The following UNC13C variants were observed in gnomAD, a reference collection of about 807,000 sequenced individuals.
UNC13C encodes the protein unc-13 homolog C.
Under a neutral mutation model 245.4 loss-of-function variants are expected in UNC13C, and 174 were observed. The observed-to-expected ratio is 0.71, with a 90% CI of 0.63 to 0.80. UNC13C has a LOEUF of 0.80. UNC13C is among the 30% of genes least tolerant of loss of function. UNC13C has a pLI of 0.00. For missense variants in UNC13C, 2,829 were observed against 2,602.9 expected, an observed-to-expected ratio of 1.09 and a Z score of -1.89; for synonymous variants, 992 against 895.1, an observed-to-expected ratio of 1.11 and a Z score of -1.93.
chr15:54,306,877 A>C (rs537291565), intron 13 of UNC13C, among the ~76,000 whole-genome samples: 1 of 152,008 alleles, frequency 6.6e-6, no homozygotes, highest in Non-Finnish European at 1.5e-5. Flanking sequence ...GATACAGGTT[A>C]CTTTAAAGTC....
intron 2 of UNC13C, among the ~76,000 whole-genome samples, chr15:54,025,789 A>G (rs1595732069): frequency 6.6e-6 from 1 of 152,348 alleles, no homozygotes; most frequent in African/African-American, 2.4e-5. Context: ...CCCATTTTAC[A>G]TGATGATATT....
At chr15:54,107,651 A>G (rs541662749) in intron 2 of UNC13C, among the ~76,000 whole-genome samples, 2 of 152,332 alleles carry the variant, frequency 1.3e-5, no homozygotes, top group Admixed American at 6.5e-5. Context: ...TTTATGCAGA[A>G]TGAGAACTCA....
intron 17 of UNC13C, among the ~76,000 whole-genome samples, chr15:54,357,224 T>C (rs2039116634): frequency 6.6e-6 from 1 of 152,074 alleles, no homozygotes; most frequent in South Asian, 2.1e-4. Context: ...TTTATTTTTA[T>C]ATAAATTGTG....
chr15:54,377,713 C>T (rs1271493252), intron 17 of UNC13C, among the ~76,000 whole-genome samples: 1 of 152,172 alleles, frequency 6.6e-6, no homozygotes, highest in African/African-American at 2.4e-5. Context: ...TCTGTGTCCT[C>T]ACATGGCAAA....
Position 54,562,195 on chromosome 15 carries a change from C to A in UNC13C, c.5959-5605C>A, listed in dbSNP as rs185727945. 3.4e-3 allele frequency among the ~76,000 whole-genome samples: 519 copies of A among 152,078 alleles called. 4 individuals carry two copies. Among genetic ancestry groups the A allele is most frequent in the Non-Finnish European group, 5.3e-3 (363 of 67,956 alleles). On this transcript the variant is annotated intron_variant, in intron 29 of 32. Transcript: ENST00000260323. The stretch of plus-strand genomic sequence containing the variant: ...TTCTGCCAATTAAATATATTTCTTA[C>A]AATTGGAAAGAACTCCAGCATTCAC...
intron 4 of UNC13C, among the ~76,000 whole-genome samples, chr15:54,228,716 G>A (rs764385322): frequency 1.3e-5 from 2 of 152,122 alleles, no homozygotes; most frequent in South Asian, 2.1e-4. Context: ...GGCTGTGCTG[G>A]GTTCCAAGTT....
intron 19 of UNC13C, among the ~76,000 whole-genome samples, chr15:54,471,224 T>C (rs780360204): frequency 6.6e-6 from 1 of 151,444 alleles, no homozygotes; most frequent in Admixed American, 6.6e-5. Context: ...ATGTCTGTTA[T>C]AGTTCAAGCA....
chr15:54,005,568 G>C (rs1027985998), intron 1 of UNC13C, among the ~76,000 whole-genome samples: 6 of 152,154 alleles, frequency 3.9e-5, no homozygotes, highest in African/African-American at 1.4e-4. Context: ...ATTAAAAATG[G>C]AAAAACATAT....
chr15:54,339,948 G>A (rs55753737), intron 17 of UNC13C, among the ~76,000 whole-genome samples: 39,115 of 151,910 alleles, frequency 0.26, 5,370 homozygotes, highest in Admixed American at 0.34. Context: ...CCATGACAAC[G>A]TCTATTATTT....
intron 10 of UNC13C, among the ~76,000 whole-genome samples, chr15:54,281,402 G>A (rs2036993519): frequency 6.6e-6 from 1 of 152,160 alleles, no homozygotes; most frequent in Non-Finnish European, 1.5e-5. Context: ...AAGAAATACT[G>A]AAAGGACTGA....
chr15:54,534,755 G>A (rs1040729938), intron 26 of UNC13C, among the ~76,000 whole-genome samples: 10 of 152,124 alleles, frequency 6.6e-5, no homozygotes, highest in South Asian at 2.1e-4. Context: ...TGATGGAGCT[G>A]CAAAACTCAC....
chr15:54,197,660 A>G (rs991282338), intron 4 of UNC13C, among the ~76,000 whole-genome samples: 1 of 152,100 alleles, frequency 6.6e-6, no homozygotes, highest in Non-Finnish European at 1.5e-5. Flanking sequence ...AGGAACCTTT[A>G]AAAATAAAGC....
At chr15:53,954,655 A>G in the UNC13C span, among the ~76,000 whole-genome samples, 2 of 152,148 alleles carry the variant, frequency 1.3e-5, no homozygotes, top group Non-Finnish European at 2.9e-5. Context: ...CAAATGGGGT[A>G]TGAGTTAGAT....
intron 17 of UNC13C, among the ~76,000 whole-genome samples, chr15:54,364,512 T>C (rs1051745970): frequency 2.0e-5 from 3 of 152,142 alleles, no homozygotes; most frequent in Non-Finnish European, 4.4e-5. Flanking sequence ...TTTGTACACA[T>C]TTAAATTCAA....
intron 4 of UNC13C, among the ~76,000 whole-genome samples, chr15:54,217,550 C>A (rs751597259): frequency 1.3e-5 from 2 of 151,860 alleles, no homozygotes; most frequent in Non-Finnish European, 2.9e-5. Flanking sequence ...ATTGTAAATA[C>A]CACAGGGCAG....
intron 2 of UNC13C, among the ~76,000 whole-genome samples, chr15:54,134,379 G>C (rs1004582121): frequency 1.3e-5 from 2 of 149,620 alleles, no homozygotes; most frequent in African/African-American, 2.5e-5. Context: ...ATCTTGTCAT[G>C]AATGGCAGGA....
At chr15:53,946,936 G>C in the UNC13C span, among the ~76,000 whole-genome samples, 1 of 152,082 alleles carries the variant, frequency 6.6e-6, no homozygotes, top group African/African-American at 2.4e-5. Flanking sequence ...TGTTCATCAA[G>C]GATATTGTTG....
intron 17 of UNC13C, among the ~76,000 whole-genome samples, chr15:54,353,005 A>G (rs967360936): frequency 6.6e-5 from 10 of 152,206 alleles, no homozygotes; most frequent in Admixed American, 4.6e-4. Context: ...GAAGCATTCA[A>G]AATTATGCAG....
intron 14 of UNC13C, among the ~76,000 whole-genome samples, chr15:54,327,397 T>A (rs1405484000): frequency 6.6e-6 from 1 of 152,008 alleles, no homozygotes; most frequent in Admixed American, 6.6e-5. Context: ...ATAATTTTTT[T>A]TTTTACTTAG....
Sources: allele counts gnomAD v4.1 joint callset (sites outside exome capture counted in the v4.1 genomes callset), GRCh38; gene constraint gnomAD v4.1.1; transcripts MANE v1.5; gene names NCBI Gene and HGNC (gene_info 2026-07-23, HGNC 2026-07-21).